NR6A1: variants seen among roughly 807,000 people sequenced by gnomAD.
NR6A1 encodes nuclear receptor subfamily 6 group A member 1.
NR6A1 carries 7 observed loss-of-function variants against 59.1 expected under a neutral mutation model. The observed-to-expected ratio is 0.12, with a 90% CI of 0.07 to 0.22. The LOEUF (loss-of-function observed/expected upper bound fraction) is 0.22. Ranked by LOEUF, NR6A1 falls within the 10% of genes least tolerant of loss-of-function variation. The pLI is 1.00. For missense variants in NR6A1, 468 were observed against 611.6 expected (o/e 0.77, Z 2.48); for synonymous variants, 243 against 236.1 (o/e 1.03, Z -0.27).
intron 2 of NR6A1, among the ~76,000 whole-genome samples, chr9:124,681,247 C>G (rs1000649869): frequency 6.6e-6 from 1 of 150,968 alleles, no homozygotes; most frequent in Non-Finnish European, 1.5e-5. Flanking sequence ...ACTTGGGTAT[C>G]TGATGGATAT....
chr9:124,567,524 G>T (rs1181455234), intron 2 of NR6A1, among the ~76,000 whole-genome samples: 1 of 152,156 alleles, frequency 6.6e-6, no homozygotes, highest in Admixed American at 6.5e-5. Context: ...AGTACTTAGG[G>T]GAGGCAGGAG....
chr9:124,521,195 A>T lies in NR6A1; in HGVS notation c.*1510T>A, dbSNP rs990687232. 1 of 152,328 alleles carries T rather than the reference A, an allele frequency of 6.6e-6. No individual in the cohort carries two copies. Among genetic ancestry groups the T allele is most frequent in the African/African-American group, 2.4e-5 (1 of 41,464 alleles). The allele number at this position is 152,328 out of a possible 1,614,324, so 9.4% of individuals were successfully genotyped here. On this transcript the variant is annotated 3_prime_UTR_variant, in exon 10 of 10. Transcript: ENST00000487099. ...TGGGTGTAGGCAGGACAAGCACCTG[A>T]AAGAGTTCAAAGACAGACCTGGTGT...
At chr9:124,602,282 G>A (rs1015690856) in intron 2 of NR6A1, among the ~76,000 whole-genome samples, 3 of 152,092 alleles carry the variant, frequency 2.0e-5, no homozygotes, top group Non-Finnish European at 4.4e-5. Flanking sequence ...AAATATAAAC[G>A]CAGTCAACTA....
At chr9:124,526,738 C>A in intron 8 of NR6A1, 41 bp downstream of exon 8, 1 of 1,608,814 alleles carries the variant, frequency 6.2e-7, no homozygotes, top group South Asian at 1.1e-5. Context: ...CTGCCTGCCT[C>A]CCGCACTGCA....
chr9:124,653,615 T>C (rs1430436678), intron 2 of NR6A1, among the ~76,000 whole-genome samples: 1 of 152,186 alleles, frequency 6.6e-6, no homozygotes, highest in Non-Finnish European at 1.5e-5. Flanking sequence ...ACTATGTTGC[T>C]AAGGCTGGTC....
chr9:124,659,106 T>C (rs1387583840), intron 2 of NR6A1, among the ~76,000 whole-genome samples: 1 of 152,256 alleles, frequency 6.6e-6, no homozygotes, highest in African/African-American at 2.4e-5. Context: ...CCACCTTTTC[T>C]ATCTCTAGTT....
Position 124,715,073 on chromosome 9 carries a change from C to T in NR6A1, c.142+18235G>A, listed in dbSNP as rs536320134. Among the ~76,000 whole-genome samples the T allele has an allele frequency of 2.0e-5, 3 of 152,196 alleles. No individual in the cohort carries two copies. The South Asian group carries it at 6.2e-4, about 32-fold the overall frequency. On this transcript the variant is annotated intron_variant, in intron 2 of 9. Coordinates refer to ENST00000487099, the MANE Select transcript of NR6A1 (RefSeq NM_033334.4). ...ACTAGCTTGGCATGGTGGTGCACAC[C>T]TGTAGTCCCAGCTACTCGGGAGGCT...
rs943125989 is a variant in NR6A1, at chr9:124,711,805, T to G, written c.142+21503A>C. Reference sequence around the variant, plus strand: ...GAAATGAATTCCCATGTGTCTTTATTGTTAAGATACAGAGTCTCACTATGC... The same window carrying G: ...GAAATGAATTCCCATGTGTCTTTATGGTTAAGATACAGAGTCTCACTATGC... On this transcript the variant is annotated intron_variant, in intron 2 of 9. Transcript: ENST00000487099. Among the ~76,000 whole-genome samples, 3 of 152,288 alleles carry G rather than the reference T, an allele frequency of 2.0e-5. No individual in the cohort carries two copies. In the East Asian group the frequency reaches 5.8e-4, roughly 29 times the overall value.
At chr9:124,731,444 G>C (rs986177556) in intron 2 of NR6A1, among the ~76,000 whole-genome samples, 11 of 151,660 alleles carry the variant, frequency 7.3e-5, no homozygotes, top group Non-Finnish European at 1.6e-4. Flanking sequence ...CTAAGCAAAG[G>C]CTACTCATAA....
At chr9:124,685,883 A>G (rs1838317134) in intron 2 of NR6A1, among the ~76,000 whole-genome samples, 1 of 152,206 alleles carries the variant, frequency 6.6e-6, no homozygotes, top group South Asian at 2.1e-4. Context: ...CTAGTACAGT[A>G]TTATTTCATT....
intron 2 of NR6A1, among the ~76,000 whole-genome samples, chr9:124,640,903 T>C (rs562088037): frequency 6.6e-6 from 1 of 152,308 alleles, no homozygotes; most frequent in African/African-American, 2.4e-5. Context: ...TTGCCTTCAT[T>C]CAAAATAACC....
At chr9:124,595,807 T>C in intron 2 of NR6A1, 1 of 1,289,780 alleles carries the variant, frequency 7.8e-7, no homozygotes, top group East Asian at 5.5e-5. Flanking sequence ...ATTGCAGCCA[T>C]GAAGAAACAG....
intron 4 of NR6A1, among the ~76,000 whole-genome samples, chr9:124,543,507 A>C (rs377446345): frequency 6.6e-6 from 1 of 152,182 alleles, no homozygotes; most frequent in Non-Finnish European, 1.5e-5. Flanking sequence ...GTTATCTATA[A>C]CCTTAAGGAC....
intron 2 of NR6A1, among the ~76,000 whole-genome samples, chr9:124,615,857 C>T (rs1835873985): frequency 6.6e-6 from 1 of 151,906 alleles, no homozygotes; most frequent in African/African-American, 2.4e-5. Flanking sequence ...TATTTTGAGA[C>T]AGAGTCTCGC....
At chr9:124,649,032 T>C (rs978563070) in intron 2 of NR6A1, among the ~76,000 whole-genome samples, 2 of 151,650 alleles carry the variant, frequency 1.3e-5, no homozygotes, top group African/African-American at 4.8e-5. Context: ...TCCAAAGAGA[T>C]CTACAGATAA....
At chr9:124,538,814 G>A (rs563886103) in intron 5 of NR6A1, among the ~76,000 whole-genome samples, 1 of 151,998 alleles carries the variant, frequency 6.6e-6, no homozygotes, top group South Asian at 2.1e-4. Context: ...GCACCTGAAT[G>A]GGATAAAAGC....
At chr9:124,656,010 C>A (rs1479151235) in intron 2 of NR6A1, among the ~76,000 whole-genome samples, 2 of 152,096 alleles carry the variant, frequency 1.3e-5, no homozygotes, top group Non-Finnish European at 2.9e-5. Flanking sequence ...GGTGGTGGGG[C>A]CTGGTGGGAG....
intron 1 of NR6A1, among the ~76,000 whole-genome samples, chr9:124,735,013 T>G (rs1455523894): frequency 6.6e-6 from 1 of 152,144 alleles, no homozygotes; most frequent in Non-Finnish European, 1.5e-5. Flanking sequence ...CCCAGCTAAT[T>G]TTTGTATTTC....
chr9:124,678,481 G>A (rs1838029801), intron 2 of NR6A1, among the ~76,000 whole-genome samples: 1 of 152,176 alleles, frequency 6.6e-6, no homozygotes, highest in Non-Finnish European at 1.5e-5. Context: ...GGAGAACAAT[G>A]GAGTGAGACA....
Sources: gnomAD v4.1 joint callset for allele counts (sites outside exome capture counted in the v4.1 genomes callset) on GRCh38, gnomAD v4.1.1 for gene constraint, MANE v1.5 for transcripts, NCBI Gene and HGNC (gene_info 2026-07-23, HGNC 2026-07-21) for gene names.